SPMIP2: variants seen among roughly 807,000 people sequenced by gnomAD.
SPMIP2 encodes sperm microtubule inner protein 2, also known as protein SPMIP2.
the SPMIP2 span, among the ~76,000 whole-genome samples, chr4:159,082,461 G>GTGTGTGTGTA: frequency 2.7e-5 from 4 of 148,178 alleles, no homozygotes; most frequent in African/African-American, 7.5e-5. Flanking sequence ...GTGTGTGTGT[G>GTGTGTGTGTA]TGTGTGTGTG....
the SPMIP2 span, chr4:159,007,308 C>T: frequency 1.2e-6 from 1 of 822,424 alleles, no homozygotes; most frequent in African/African-American, 1.7e-5. Context: ...CCGGGCCCCA[C>T]TGGACATCTC....
chr4:159,032,155 G>A, the SPMIP2 span, among the ~76,000 whole-genome samples: 1 of 152,094 alleles, frequency 6.6e-6, no homozygotes, highest in African/African-American at 2.4e-5. Flanking sequence ...CCTGGAGGGA[G>A]AGACTGCAGT....
chr4:158,941,959 A>T, the SPMIP2 span, among the ~76,000 whole-genome samples: 1 of 152,120 alleles, frequency 6.6e-6, no homozygotes, highest in African/African-American at 2.4e-5. Flanking sequence ...TGTCTTACCG[A>T]ACAGCTGCAA....
At chr4:159,049,386 T>C in the SPMIP2 span, among the ~76,000 whole-genome samples, 1 of 152,220 alleles carries the variant, frequency 6.6e-6, no homozygotes, top group African/African-American at 2.4e-5. Flanking sequence ...CTGAAACATA[T>C]AGATGAGATC....
the SPMIP2 span, among the ~76,000 whole-genome samples, chr4:159,076,682 T>C: frequency 6.6e-6 from 1 of 152,186 alleles, no homozygotes; most frequent in Non-Finnish European, 1.5e-5. Flanking sequence ...TCTTTTTTTC[T>C]TTAGAGATAG....
chr4:158,899,400 A>G, the SPMIP2 span, among the ~76,000 whole-genome samples: 3 of 152,010 alleles, frequency 2.0e-5, no homozygotes, highest in South Asian at 2.1e-4. Flanking sequence ...CTCTTTTTCT[A>G]TTGTTTGGAA....
At chr4:159,002,080 T>C in the SPMIP2 span, among the ~76,000 whole-genome samples, 1 of 152,106 alleles carries the variant, frequency 6.6e-6, no homozygotes, top group Non-Finnish European at 1.5e-5. Flanking sequence ...ATCAGTGATA[T>C]TGAGCTTTTT....
the SPMIP2 span, among the ~76,000 whole-genome samples, chr4:158,963,288 T>G: frequency 0.015 from 1 of 68 alleles, no homozygotes; most frequent in Non-Finnish European, 0.026. Context: ...GTAGTTTTGT[T>G]TTTTTTTTGT....
At chr4:158,949,144 T>C in the SPMIP2 span, among the ~76,000 whole-genome samples, 1 of 152,246 alleles carries the variant, frequency 6.6e-6, no homozygotes, top group Non-Finnish European at 1.5e-5. Flanking sequence ...CTGATCATTT[T>C]TAGCTAATAT....
At chr4:158,948,775 T>G in the SPMIP2 span, among the ~76,000 whole-genome samples, 6 of 152,038 alleles carry the variant, frequency 3.9e-5, no homozygotes, top group East Asian at 1.2e-3. Context: ...CAGCTAATTT[T>G]TGTATTTTTT....
chr4:158,983,934 A>T, the SPMIP2 span, among the ~76,000 whole-genome samples: 57 of 117,692 alleles, frequency 4.8e-4, no homozygotes, highest in Admixed American at 6.7e-4. Context: ...GGCTCAAAAT[A>T]AAAGGATGGA....
chr4:158,985,154 CAA>C, the SPMIP2 span, among the ~76,000 whole-genome samples: 1 of 130,180 alleles, frequency 7.7e-6, no homozygotes, highest in Non-Finnish European at 1.7e-5. Flanking sequence ...GCTTACCAAC[CAA>C]AAAGAGTCCA....
the SPMIP2 span, chr4:159,026,398 T>C: frequency 1.0e-6 from 1 of 954,346 alleles, no homozygotes; most frequent in South Asian, 1.3e-5. Flanking sequence ...AGATGGATCA[T>C]TGGTTCAGCA....
chr4:158,973,155 A>G, the SPMIP2 span: 1 of 1,612,820 alleles, frequency 6.2e-7, no homozygotes, highest in Non-Finnish European at 8.5e-7. Context: ...AATTTCACTG[A>G]CGTACTCATG....
chr4:158,943,865 T>C, the SPMIP2 span, among the ~76,000 whole-genome samples: 1 of 138,982 alleles, frequency 7.2e-6, no homozygotes, highest in Non-Finnish European at 1.6e-5. Flanking sequence ...TTTCTTTTTT[T>C]TTTTTTTTTT....
At chr4:159,037,793 C>T in the SPMIP2 span, among the ~76,000 whole-genome samples, 1 of 117,596 alleles carries the variant, frequency 8.5e-6, no homozygotes, top group South Asian at 3.2e-4. Flanking sequence ...TATACACACA[C>T]ACACACACAC....
At chr4:158,920,163 C>T in the SPMIP2 span, among the ~76,000 whole-genome samples, 1 of 152,210 alleles carries the variant, frequency 6.6e-6, no homozygotes, top group Non-Finnish European at 1.5e-5. Context: ...TTACTTTAAT[C>T]TCTTAATCCT....
the SPMIP2 span, among the ~76,000 whole-genome samples, chr4:158,999,303 G>C: frequency 5.3e-5 from 8 of 152,242 alleles, no homozygotes; most frequent in South Asian, 1.2e-3. Context: ...TTATAGACAA[G>C]TTAAATGTAA....
chr4:159,028,837 T>G, the SPMIP2 span, among the ~76,000 whole-genome samples: 5 of 152,198 alleles, frequency 3.3e-5, no homozygotes, highest in Non-Finnish European at 1.5e-5. Context: ...GGCTCACACC[T>G]GTAACCCAGC....
Sources: gnomAD v4.1 joint callset for allele counts (sites outside exome capture counted in the v4.1 genomes callset) on GRCh38, gnomAD v4.1.1 for gene constraint, MANE v1.5 for transcripts, NCBI Gene and HGNC (gene_info 2026-07-23, HGNC 2026-07-21) for gene names.